The following RTN4IP1 variants were observed in gnomAD, a reference collection of about 807,000 sequenced individuals.
RTN4IP1 encodes the protein NAD(P)H oxidoreductase RTN4IP1, mitochondrial.
A neutral mutation model predicts 46.6 loss-of-function variants in RTN4IP1; 32 were observed. The observed-to-expected ratio is 0.69, with a 90% CI of 0.52 to 0.92. The LOEUF (loss-of-function observed/expected upper bound fraction) is 0.92. Ranked by LOEUF, RTN4IP1 falls within the 40% of genes least tolerant of loss-of-function variation. The pLI, the probability that RTN4IP1 is intolerant of heterozygous loss-of-function variation, is 0.00. For missense variants in RTN4IP1, 424 were observed against 485.8 expected, an observed-to-expected ratio of 0.87 and a Z score of 1.20; for synonymous variants, 167 against 161.8, an observed-to-expected ratio of 1.03 and a Z score of -0.24.
intron 4 of RTN4IP1, among the ~76,000 whole-genome samples, chr6:106,618,641 T>G (rs935289905): frequency 6.6e-6 from 1 of 152,204 alleles, no homozygotes; most frequent in Non-Finnish European, 1.5e-5. Flanking sequence ...CTGGTCACCA[T>G]GTTGCTGCTA....
At chr6:106,577,991 T>C (rs994349048) in intron 8 of RTN4IP1, among the ~76,000 whole-genome samples, 1 of 152,196 alleles carries the variant, frequency 6.6e-6, no homozygotes, top group African/African-American at 2.4e-5. Flanking sequence ...TTCATAGTAA[T>C]TTGTTACTGC....
At chr6:106,584,501 T>C (rs1429602462) in intron 7 of RTN4IP1, among the ~76,000 whole-genome samples, 1 of 152,188 alleles carries the variant, frequency 6.6e-6, no homozygotes, top group African/African-American at 2.4e-5. Context: ...GGCTGAAAAA[T>C]GCAATGGAAA....
intron 4 of RTN4IP1, among the ~76,000 whole-genome samples, chr6:106,612,821 G>A (rs1776260058): frequency 6.6e-6 from 1 of 152,228 alleles, no homozygotes; most frequent in Non-Finnish European, 1.5e-5. Context: ...AATTAGTTTA[G>A]TCTGTGTGGG....
intron 4 of RTN4IP1, among the ~76,000 whole-genome samples, chr6:106,605,163 C>T (rs982410295): frequency 3.3e-5 from 5 of 152,322 alleles, no homozygotes; most frequent in South Asian, 2.1e-4. Flanking sequence ...AGGCCAAGCG[C>T]GGTAGCTCAT....
At chr6:106,616,985 C>A (rs985356512) in intron 4 of RTN4IP1, among the ~76,000 whole-genome samples, 1 of 152,082 alleles carries the variant, frequency 6.6e-6, no homozygotes, top group Admixed American at 6.5e-5. Context: ...GCAAGCGGAA[C>A]CCTCATGAAT....
At chr6:106,590,399 T>C (rs1775623687) in intron 6 of RTN4IP1, among the ~76,000 whole-genome samples, 1 of 151,840 alleles carries the variant, frequency 6.6e-6, no homozygotes, top group African/African-American at 2.4e-5. Context: ...CAGTATCATG[T>C]TGCTATTCCT....
In RTN4IP1 at chr6:106,628,825, G is replaced by A; in HGVS notation, c.197C>T (p.Pro66Leu). 5.0e-6 allele frequency: 8 copies of A among 1,613,924 alleles called. No homozygotes were observed. The highest frequency in any genetic ancestry group is 6.8e-6 in the Non-Finnish European group (8 of 1,179,834). Residue 66 changes from proline to leucine, a missense_variant, in exon 1 of 9, where the codon CCT (proline) becomes CTT (leucine). Transcript: ENST00000369063. ...VLRFTQNMMM[P>L]IIHYPNEVIV... is the part of the protein sequence containing the mutation. ...GACTTCATTTGGATAGTGTATGATAGGCATCATCATGTTCTGAGTGAATCG... is the reference window on the plus strand; with the variant it reads ...GACTTCATTTGGATAGTGTATGATAAGCATCATCATGTTCTGAGTGAATCG...
At chr6:106,615,306 T>C (rs1000034558) in intron 4 of RTN4IP1, among the ~76,000 whole-genome samples, 2 of 152,120 alleles carry the variant, frequency 1.3e-5, no homozygotes, top group Non-Finnish European at 2.9e-5. Context: ...ATAAACCCAA[T>C]GTTTTTAACT....
At chr6:106,587,072 T>C (rs562671451) in intron 7 of RTN4IP1, among the ~76,000 whole-genome samples, 85 of 152,314 alleles carry the variant, frequency 5.6e-4, no homozygotes, top group African/African-American at 2.0e-3. Flanking sequence ...GTTGATACAA[T>C]CCCAGCAGAG....
At chr6:106,604,259 G>T (rs1166579132) in intron 4 of RTN4IP1, among the ~76,000 whole-genome samples, 3 of 152,092 alleles carry the variant, frequency 2.0e-5, no homozygotes, top group Non-Finnish European at 4.4e-5. Flanking sequence ...AAATTTTTGA[G>T]CCAGTTGTTC....
rs376618706 is a variant in RTN4IP1 at position 106,592,296 on chromosome 6, A to G, written c.674T>C (p.Met225Thr). The change falls in exon 6 of 9, where the codon ATG (methionine) becomes ACG (threonine). Residue 225 changes from methionine to threonine, a missense_variant. Physicochemically the swap from Met to Thr is moderately conservative, Grantham distance 81. Coordinates refer to ENST00000369063, the MANE Select transcript of RTN4IP1 (RefSeq NM_032730.5). ...TGTCACATGAGCATCCCATGCTTTCATTACCTGCCCCCCACCAAAAAGAAA... is the reference window on the plus strand; with the variant it reads ...TGTCACATGAGCATCCCATGCTTTCGTTACCTGCCCCCCACCAAAAAGAAA... ...GGVGTFAIQV[M>T]KAWDAHVTAV... The G allele has an allele frequency of 2.7e-4, 431 of 1,612,602 alleles. No homozygotes were observed. Among genetic ancestry groups the G allele is most frequent in the Non-Finnish European group, 3.6e-4 (425 of 1,179,672 alleles).
At chr6:106,601,923 T>C (rs1023642397) in intron 5 of RTN4IP1, among the ~76,000 whole-genome samples, 18 of 152,094 alleles carry the variant, frequency 1.2e-4, no homozygotes, top group Non-Finnish European at 2.5e-4. Context: ...GAGGGTTGTT[T>C]TTCTTTTTTT....
At chr6:106,584,245 G>A (rs911425988) in intron 7 of RTN4IP1, among the ~76,000 whole-genome samples, 1 of 152,178 alleles carries the variant, frequency 6.6e-6, no homozygotes, top group African/African-American at 2.4e-5. Context: ...GGCTGTAATT[G>A]TTATTCTTTA....
chr6:106,627,141 GAA>G (rs11387767), intron 1 of RTN4IP1, among the ~76,000 whole-genome samples: 2 of 146,878 alleles, frequency 1.4e-5, no homozygotes, highest in Admixed American at 6.8e-5. Flanking sequence ...AAAGGTAGGA[GAA>G]AAAAAAAAAG....
intron 8 of RTN4IP1, among the ~76,000 whole-genome samples, chr6:106,572,745 C>T (rs1344707125): frequency 1.3e-5 from 2 of 152,124 alleles, no homozygotes; most frequent in Non-Finnish European, 1.5e-5. Flanking sequence ...ATCCATTTGG[C>T]TCCTTACAGA....
At chr6:106,587,992 C>T in intron 6 of RTN4IP1, 130 bp from the exon 7 acceptor site, 1 of 731,668 alleles carries the variant, frequency 1.4e-6, no homozygotes, top group Admixed American at 3.0e-5. Context: ...CTGCACCTCG[C>T]CATCCTGCAG....
chr6:106,572,772 T>G (rs867334817), intron 8 of RTN4IP1, among the ~76,000 whole-genome samples: 2 of 142,200 alleles, frequency 1.4e-5, no homozygotes, highest in Middle Eastern at 3.6e-3. Context: ...ATGGAAATAG[T>G]TTTTTTTTTG....
At chr6:106,613,905 G>A (rs961316596) in intron 4 of RTN4IP1, among the ~76,000 whole-genome samples, 2 of 152,096 alleles carry the variant, frequency 1.3e-5, no homozygotes, top group African/African-American at 2.4e-5. Flanking sequence ...TCAACCAACT[G>A]CCAATCGGAA....
intron 5 of RTN4IP1, among the ~76,000 whole-genome samples, chr6:106,595,594 T>C (rs1288188997): frequency 6.6e-6 from 1 of 151,472 alleles, no homozygotes; most frequent in African/African-American, 2.4e-5. Context: ...GCCTCCTAGG[T>C]TCAAGCAATT....
Sources: allele counts gnomAD v4.1 joint callset (sites outside exome capture counted in the v4.1 genomes callset), GRCh38; gene constraint gnomAD v4.1.1; transcripts MANE v1.5; gene names NCBI Gene and HGNC (gene_info 2026-07-23, HGNC 2026-07-21).